The following PRKAG3 variants were observed in gnomAD, a reference collection of about 807,000 sequenced individuals.
The protein encoded by PRKAG3 is protein kinase AMP-activated non-catalytic subunit gamma 3.
PRKAG3 carries 39 observed loss-of-function variants against 56.5 expected under a neutral mutation model. The observed-to-expected ratio is 0.69, with a 90% CI of 0.53 to 0.90. The LOEUF (loss-of-function observed/expected upper bound fraction) is 0.90. PRKAG3 is among the 40% of genes least tolerant of loss of function. The pLI is 0.00. For synonymous variants in PRKAG3, 243 were observed against 250.1 expected, an observed-to-expected ratio of 0.97 and a Z score of 0.27; for missense variants, 628 against 627.5, an observed-to-expected ratio of 1.00 and a Z score of -0.01.
chr2:218,831,234 G>A (rs540579059), intron 2 of PRKAG3, 102 bp downstream of exon 2: 12 of 908,644 alleles, frequency 1.3e-5, no homozygotes, highest in Middle Eastern at 2.3e-4. Context: ...CCAAAAGGAG[G>A]AAGATAAAAG....
intron 10 of PRKAG3, 150 bp from the exon 11 acceptor site, chr2:218,824,726 C>T (rs933929863): frequency 9.6e-6 from 7 of 729,096 alleles, no homozygotes; most frequent in African/African-American, 1.7e-5. Context: ...CAGAGTGAGA[C>T]AGCCTGACAT....
chr2:218,829,833 T>A (rs1045584288), intron 4 of PRKAG3, 145 bp downstream of exon 4: 1 of 892,798 alleles, frequency 1.1e-6, no homozygotes, highest in Admixed American at 2.3e-5. Context: ...CTCCCCCAAC[T>A]GGCCTCCATA....
exon 4 of PRKAG3, chr2:218,830,193 G>T: frequency 1.2e-6 from 2 of 1,614,130 alleles, no homozygotes; most frequent in Non-Finnish European, 1.7e-6. Context: ...TCTGTGGCTG[G>T]GAACTCCGTG....
At chr2:218,828,123 G>T in intron 5 of PRKAG3, 61 bp from the exon 6 acceptor site, 2 of 1,434,428 alleles carry the variant, frequency 1.4e-6, no homozygotes, top group Non-Finnish European at 1.9e-6. Flanking sequence ...CAGGTTGAGG[G>T]TCAGATCCCC....
At chr2:218,830,610 G>A in intron 3 of PRKAG3, 136 bp downstream of exon 3, 1 of 1,226,962 alleles carries the variant, frequency 8.2e-7, no homozygotes, top group South Asian at 1.5e-5. Context: ...ACTATGTAGG[G>A]AGACTGAGGC....
chr2:218,824,625 C>A, intron 10 of PRKAG3, 49 bp from the exon 11 acceptor site: 1 of 1,538,416 alleles, frequency 6.5e-7, no homozygotes, highest in Non-Finnish European at 9.0e-7. Context: ...AGGGAAGAGG[C>A]TCCGGTCAGA....
At position 218,830,499 on chromosome 2, in the gene PRKAG3, G is replaced by T. The variant is rs140639268; in HGVS notation, c.230-118C>A. 337 of 1,358,294 alleles carry T rather than the reference G, an allele frequency of 2.5e-4. No individual in the cohort carries two copies. The African/African-American group carries it at 4.5e-3, about 18-fold the overall frequency. 84.1% of individuals were successfully genotyped at this position (1,358,294 alleles called of 1,614,324 possible). On this transcript the variant is annotated intron_variant, in intron 3 of 12. Transcript: ENST00000529249. ...AAGCCTGGATGCTGTGGCCCTATTT[G>T]CAGGTGAGGGGCTGACCTGAGAGTC...
chr2:218,831,015 T>C (rs930139129), intron 2 of PRKAG3, 114 bp from the exon 3 acceptor site: 10 of 1,280,894 alleles, frequency 7.8e-6, no homozygotes, highest in Non-Finnish European at 1.1e-5. Context: ...TTCTCCAACA[T>C]ATTTCTCATT....
chr2:218,825,027 G>T (rs1943912196), intron 10 of PRKAG3, among the ~76,000 whole-genome samples: 1 of 152,134 alleles, frequency 6.6e-6, no homozygotes. Flanking sequence ...CAAAAGACAC[G>T]AATGTAAACC....
intron 5 of PRKAG3, 141 bp from the exon 6 acceptor site, chr2:218,828,203 C>T: frequency 8.0e-6 from 7 of 873,368 alleles, no homozygotes; most frequent in South Asian, 1.7e-5. Context: ...TGGGGCAGCC[C>T]CCCAGGCCTG....
chr2:218,824,270 C>T (rs2105985485), exon 12 of PRKAG3: 2 of 1,614,170 alleles, frequency 1.2e-6, no homozygotes, highest in Middle Eastern at 1.6e-4. Context: ...TCTCGTGGGG[C>T]TGGCAGGAAA....
Position 218,827,705 on chromosome 2 carries a change from C to A in PRKAG3, c.821-76G>T. ...TTGCAGTCCCAGGCAGCTTCCCTTC[C>A]GTCAGGCACCCGAGGCTCCTATTGT... On this transcript the variant is annotated intron_variant, in intron 7 of 12. Coordinates refer to ENST00000529249, the Ensembl canonical transcript of PRKAG3. This position sits in a 1 kb window ranked among gnomAD's most constrained non-coding sequence, Gnocchi z 5.3. 1 of 1,574,758 alleles carries A rather than the reference C, an allele frequency of 6.4e-7. No individual in the cohort carries two copies. Among genetic ancestry groups the A allele is most frequent in the Non-Finnish European group, 8.7e-7 (1 of 1,144,604 alleles).
exon 10 of PRKAG3, chr2:218,826,961 G>A (rs763811657): frequency 2.5e-6 from 4 of 1,614,042 alleles, no homozygotes; most frequent in South Asian, 1.1e-5. Flanking sequence ...GCAGACACAC[G>A]CCGGTCCACA....
chr2:218,830,340 C>T, exon 4 of PRKAG3: 1 of 1,609,232 alleles, frequency 6.2e-7, no homozygotes, highest in South Asian at 1.1e-5. Flanking sequence ...GGGAATGTGG[C>T]CTCCAGCCCG....
At position 218,827,745 on chromosome 2, in the gene PRKAG3, C is replaced by T. The variant is rs1943956206; in HGVS notation, c.820+88G>A. ...GCTCCTATTGTCCCTCCCCTGTTCA[C>T]TCCAGGACATCCCCACTGCCCATCC... On this transcript the variant is annotated intron_variant, in intron 7 of 12. Coordinates refer to ENST00000529249, the Ensembl canonical transcript of PRKAG3. This position sits in a 1 kb window ranked among gnomAD's most constrained non-coding sequence, Gnocchi z 5.3. 1 of 1,563,828 alleles carries T rather than the reference C, an allele frequency of 6.4e-7. No homozygotes were observed. Among genetic ancestry groups the T allele is most frequent in the Non-Finnish European group, 8.8e-7 (1 of 1,134,718 alleles).
rs1325819424 is a variant in PRKAG3, at chr2:218,827,230, C to G, written c.1002+17G>C. 1 of 1,614,078 alleles carries G rather than the reference C, an allele frequency of 6.2e-7. No individual in the cohort carries two copies. Among genetic ancestry groups the G allele is most frequent in the East Asian group, 2.2e-5 (1 of 44,896 alleles). ...TGCCCAGGTCTCCCCCTTCCTCCCA[C>G]CTGGGCCCAGGCTTACAAAGATGTG... is the stretch of plus-strand genomic sequence containing the variant. On this transcript the variant is annotated intron_variant, in intron 9 of 12. Transcript: ENST00000529249. The surrounding 1 kb of genome is among the most constrained non-coding windows in gnomAD (Gnocchi z 5.3).
Position 218,827,135 on chromosome 2 carries a change from G to C in PRKAG3, c.1003-42C>G. On this transcript the variant is annotated intron_variant, in intron 9 of 12. Coordinates refer to ENST00000529249, the Ensembl canonical transcript of PRKAG3. The surrounding 1 kb of genome is among the most constrained non-coding windows in gnomAD (Gnocchi z 5.3). The stretch of plus-strand genomic sequence containing the variant: ...CCAGGTGGAGATCAGGGATCCAGCA[G>C]CTTCAAGAGGGCTCCCAGCTCTTCC... The C allele has an allele frequency of 6.2e-7, 1 of 1,612,686 alleles. No individual in the cohort carries two copies.
At chr2:218,824,918 G>C (rs1943911067) in intron 10 of PRKAG3, among the ~76,000 whole-genome samples, 1 of 152,138 alleles carries the variant, frequency 6.6e-6, no homozygotes, top group South Asian at 2.1e-4. Flanking sequence ...CTGGATGTGG[G>C]GTATCCTATA....
intron 12 of PRKAG3, 87 bp downstream of exon 12, chr2:218,824,135 G>T: frequency 6.3e-7 from 1 of 1,599,806 alleles, no homozygotes; most frequent in Non-Finnish European, 8.5e-7. Context: ...GATAGGCCAG[G>T]TGCCCGATGT....
Sources: gnomAD v4.1 joint callset for allele counts (sites outside exome capture counted in the v4.1 genomes callset) on GRCh38, gnomAD v4.1.1 for gene constraint, Gnocchi (gnomAD v3.1) non-coding constraint, MANE v1.5 for transcripts, NCBI Gene and HGNC (gene_info 2026-07-23, HGNC 2026-07-21) for gene names.